WDR64: variants seen among roughly 807,000 people sequenced by gnomAD.
WDR64 encodes WD repeat domain 64.
A neutral mutation model predicts 139.3 loss-of-function variants in WDR64; 112 were observed. The observed-to-expected ratio is 0.80, with a 90% CI of 0.69 to 0.94. The LOEUF is 0.94. Among genes scored for constraint, WDR64 ranks in the 40% least tolerant of loss-of-function variants. The pLI is 0.00. For missense variants in WDR64, 1,206 were observed against 1,293.1 expected (o/e 0.93, Z 1.03); for synonymous variants, 444 against 437.7 (o/e 1.01, Z -0.18).
chr1:241,702,919 G>T (rs1667776777), intron 8 of WDR64, among the ~76,000 whole-genome samples: 1 of 152,038 alleles, frequency 6.6e-6, no homozygotes, highest in Non-Finnish European at 1.5e-5. Flanking sequence ...TACAATATTT[G>T]TTATCTTATT....
chr1:241,706,012 AC>A (rs143877080), intron 8 of WDR64, among the ~76,000 whole-genome samples: 13,873 of 152,192 alleles, frequency 0.091, 731 homozygotes, highest in East Asian at 0.16. Flanking sequence ...TTTTTCATAT[AC>A]TTTTATGTCT....
chr1:241,680,401 A>T (rs1364103798), intron 6 of WDR64, among the ~76,000 whole-genome samples: 1 of 152,196 alleles, frequency 6.6e-6, no homozygotes, highest in Non-Finnish European at 1.5e-5. Context: ...TTGTTGGTCA[A>T]CGTACTTTAT....
At chr1:241,673,255 C>T (rs937171096) in intron 3 of WDR64, among the ~76,000 whole-genome samples, 8 of 152,006 alleles carry the variant, frequency 5.3e-5, no homozygotes, top group South Asian at 2.1e-4. Flanking sequence ...GGGTGCAGCA[C>T]ACCAACATGG....
At chr1:241,786,417 G>A (rs1356304027) in intron 23 of WDR64, among the ~76,000 whole-genome samples, 2 of 152,156 alleles carry the variant, frequency 1.3e-5, no homozygotes, top group East Asian at 3.8e-4. Context: ...ACTATTTTAT[G>A]TTCCCATATG....
At chr1:241,796,556 G>A (rs1283320941) in intron 27 of WDR64, among the ~76,000 whole-genome samples, 186 bp downstream of exon 27, 2 of 150,852 alleles carry the variant, frequency 1.3e-5, no homozygotes, top group African/African-American at 2.4e-5. Flanking sequence ...GCAATGGCAC[G>A]ATCTCAGCTC....
At chr1:241,741,328 G>C (rs1486200910) in intron 11 of WDR64, among the ~76,000 whole-genome samples, 188 bp from the exon 12 acceptor site, 6 of 152,230 alleles carry the variant, frequency 3.9e-5, no homozygotes. Context: ...TGAATCGTAT[G>C]TGCTTTATCT....
chr1:241,746,127 T>C (rs996598560), intron 13 of WDR64, among the ~76,000 whole-genome samples: 4 of 152,210 alleles, frequency 2.6e-5, no homozygotes, highest in Non-Finnish European at 4.4e-5. Flanking sequence ...ATTTAATCAA[T>C]GTTTAATGAT....
At chr1:241,700,018 T>C (rs941839101) in intron 8 of WDR64, among the ~76,000 whole-genome samples, 2 of 151,458 alleles carry the variant, frequency 1.3e-5, no homozygotes, top group Non-Finnish European at 2.9e-5. Flanking sequence ...TTGATGAAGA[T>C]ATGACAATAC....
chr1:241,708,692 G>GTTTTTTTTTTTTTT (rs766069628), intron 8 of WDR64, among the ~76,000 whole-genome samples: 3 of 59,906 alleles, frequency 5.0e-5, no homozygotes, highest in African/African-American at 1.6e-4. Context: ...GAGGTCCATG[G>GTTTTTTTTTTTTTT]TTTTTTTTTT....
At chr1:241,792,414 T>C (rs981830828) in intron 25 of WDR64, among the ~76,000 whole-genome samples, 1 of 152,126 alleles carries the variant, frequency 6.6e-6, no homozygotes, top group Non-Finnish European at 1.5e-5. Context: ...TGTGCACCTG[T>C]AGTCCCAGCT....
At position 241,802,161 on chromosome 1, in the gene WDR64, GAAGA is replaced by G. The variant is rs921439362; in HGVS notation, c.*948_*951del. On this transcript the variant is annotated 3_prime_UTR_variant, in exon 28 of 28. Transcript: ENST00000437684. The stretch of plus-strand genomic sequence containing the variant: ...AGGAAAAAGCCTAGTTTCCACAACA[GAAGA>G]ATGACTAAACAAACTATGGTAGGGT... 214 of 398,052 alleles carry G rather than the reference GAAGA, an allele frequency of 5.4e-4. 1 individual carries two copies. Among genetic ancestry groups the G allele is most frequent in the African/African-American group, 3.8e-3 (184 of 48,692 alleles). The allele number at this position is 398,052 out of a possible 1,614,324, so 24.7% of individuals were successfully genotyped here.
At chr1:241,762,747 A>G (rs1295024426) in intron 15 of WDR64, among the ~76,000 whole-genome samples, 1 of 150,518 alleles carries the variant, frequency 6.6e-6, no homozygotes, top group Non-Finnish European at 1.5e-5. Flanking sequence ...TTCCTTTTTT[A>G]TTATTATTAA....
chr1:241,677,408 T>A, intron 4 of WDR64: 1 of 398,568 alleles, frequency 2.5e-6, no homozygotes, highest in Non-Finnish European at 4.4e-6. Context: ...TAGCCATGAC[T>A]AACAGCTTTA....
At chr1:241,767,698 T>C (rs1307914844) in intron 16 of WDR64, among the ~76,000 whole-genome samples, 1 of 148,274 alleles carries the variant, frequency 6.7e-6, no homozygotes, top group Non-Finnish European at 1.5e-5. Flanking sequence ...TGCCTGCTCC[T>C]TCCCATCCAA....
At chr1:241,712,090 A>G (rs1668193230) in intron 9 of WDR64, among the ~76,000 whole-genome samples, 1 of 152,098 alleles carries the variant, frequency 6.6e-6, no homozygotes, top group African/African-American at 2.4e-5. Flanking sequence ...ATTTTCCTGT[A>G]TTTTACTAGA....
chr1:241,701,508 C>T (rs927346404), intron 8 of WDR64, among the ~76,000 whole-genome samples: 1 of 152,184 alleles, frequency 6.6e-6, no homozygotes, highest in Non-Finnish European at 1.5e-5. Flanking sequence ...TTAACCAGTG[C>T]AATCTGATCT....
At chr1:241,783,507 A>C (rs1658923554) in intron 23 of WDR64, 126 bp downstream of exon 23, 8 of 677,272 alleles carry the variant, frequency 1.2e-5, no homozygotes, top group Non-Finnish European at 1.9e-5. Context: ...TAAATAAGTA[A>C]ATAGATGACA....
intron 23 of WDR64, 47 bp from the exon 24 acceptor site, chr1:241,787,802 C>A: frequency 6.6e-7 from 1 of 1,507,922 alleles, no homozygotes. Context: ...ATAACTTTGA[C>A]CAAATTTTCC....
rs554594545 is a variant in WDR64 at position 241,722,942 on chromosome 1, T to A, written c.1055-355T>A. Among the ~76,000 whole-genome samples, 5 of 152,126 alleles carry A rather than the reference T, an allele frequency of 3.3e-5. No individual in the cohort carries two copies. The South Asian group carries it at 1.0e-3, about 32-fold the overall frequency. On this transcript the variant is annotated intron_variant, in intron 9 of 27. Transcript: ENST00000437684. ...TTATAATGTTTGCATAATTTAAGAA[T>A]GAAAACAAAAGAACAGCTGCCTTAA...
Sources: gnomAD v4.1 joint callset for allele counts (sites outside exome capture counted in the v4.1 genomes callset) on GRCh38, gnomAD v4.1.1 for gene constraint, MANE v1.5 for transcripts, NCBI Gene and HGNC (gene_info 2026-07-23, HGNC 2026-07-21) for gene names.